The following ASTN2 variants were observed in gnomAD, a reference collection of about 807,000 sequenced individuals.
ASTN2 encodes the protein astrotactin 2, also known as astrotactin-2.
Under a neutral mutation model 139.8 loss-of-function variants are expected in ASTN2, and 54 were observed. That is an observed-to-expected ratio of 0.39 (90% CI 0.31 to 0.48). ASTN2 has a LOEUF of 0.48. ASTN2 is among the 20% of genes least tolerant of loss of function. The probability of loss-of-function intolerance (pLI) is 0.95; values close to 1 mark genes in which losing one functional copy is unlikely to be tolerated. For missense variants in ASTN2, 1,565 were observed against 1,725.1 expected (o/e 0.91, Z 1.64); for synonymous variants, 756 against 719.5 (o/e 1.05, Z -0.81).
At chr9:116,961,775 C>A (rs1054456834) in intron 10 of ASTN2, among the ~76,000 whole-genome samples, 2 of 152,094 alleles carry the variant, frequency 1.3e-5, no homozygotes, top group Non-Finnish European at 2.9e-5. Flanking sequence ...AAACAAGAGT[C>A]ACAATAATTT....
At chr9:116,839,881 A>ATTATTTTTTT (rs55634992) in intron 11 of ASTN2, among the ~76,000 whole-genome samples, 1 of 127,978 alleles carries the variant, frequency 7.8e-6, no homozygotes, top group Admixed American at 8.4e-5. Flanking sequence ...TATTATTATT[A>ATTATTTTTTT]TTTTTTTTTT....
intron 5 of ASTN2, among the ~76,000 whole-genome samples, chr9:117,043,052 G>A (rs1330033298): frequency 6.6e-6 from 1 of 152,010 alleles, no homozygotes; most frequent in Non-Finnish European, 1.5e-5. Context: ...TGTATTTTTA[G>A]TAGAGACAGT....
chr9:116,526,503 T>C (rs1587938780), intron 19 of ASTN2, among the ~76,000 whole-genome samples: 1 of 151,812 alleles, frequency 6.6e-6, no homozygotes, highest in South Asian at 2.1e-4. Flanking sequence ...ATGCCTGTAA[T>C]CCCAGCCACT....
At chr9:117,226,100 T>C (rs1025030745) in intron 2 of ASTN2, among the ~76,000 whole-genome samples, 2 of 152,124 alleles carry the variant, frequency 1.3e-5, no homozygotes, top group South Asian at 2.1e-4. Context: ...GTAGAGAAAG[T>C]GAGGATAAAA....
intron 19 of ASTN2, among the ~76,000 whole-genome samples, chr9:116,610,363 G>T (rs1234591578): frequency 6.6e-6 from 1 of 152,196 alleles, no homozygotes; most frequent in Non-Finnish European, 1.5e-5. Context: ...CCAGCACTTT[G>T]TGAGGCTGAG....
rs549795037 is a variant in ASTN2, at chr9:116,839,631, A to AT, written c.2041-18849dup. ...AGTTGCTGGAATTACAGTTGCTGGA[A>AT]TTACAGCCCCGTGTGTGCCACACCG... On this transcript the variant is annotated intron_variant, in intron 11 of 22. Coordinates refer to ENST00000313400, the MANE Select transcript of ASTN2 (RefSeq NM_001365068.1). Among the ~76,000 whole-genome samples, 920 of 152,018 alleles carry AT rather than the reference A, an allele frequency of 6.1e-3. 11 individuals carry two copies. In the Middle Eastern group the frequency reaches 0.075, roughly 12 times the overall value.
chr9:117,245,460 C>T (rs188925933), intron 2 of ASTN2, among the ~76,000 whole-genome samples: 3 of 152,274 alleles, frequency 2.0e-5, no homozygotes, highest in African/African-American at 7.2e-5. Context: ...GGAGTCTCAG[C>T]AGACAGAGCC....
intron 20 of ASTN2, among the ~76,000 whole-genome samples, chr9:116,481,091 T>C (rs960623238): frequency 1.3e-5 from 2 of 152,146 alleles, no homozygotes; most frequent in African/African-American, 4.8e-5. Context: ...GTTTTATAGA[T>C]AAAAAACTGA....
intron 13 of ASTN2, among the ~76,000 whole-genome samples, chr9:116,742,220 C>G (rs1296434437): frequency 6.6e-6 from 1 of 152,224 alleles, no homozygotes; most frequent in Non-Finnish European, 1.5e-5. Context: ...TTTCAAAACC[C>G]AGCCTGTGCT....
At chr9:117,023,105 A>G (rs1024578464) in intron 6 of ASTN2, among the ~76,000 whole-genome samples, 1 of 152,182 alleles carries the variant, frequency 6.6e-6, no homozygotes, top group Non-Finnish European at 1.5e-5. Flanking sequence ...TTAACTGGCC[A>G]GGAGTGGAAT....
At chr9:117,033,617 T>G (rs1838307143) in intron 6 of ASTN2, among the ~76,000 whole-genome samples, 1 of 152,094 alleles carries the variant, frequency 6.6e-6, no homozygotes, top group African/African-American at 2.4e-5. Context: ...ATCTGTCTAG[T>G]TTTGCTTCCT....
At chr9:117,088,908 T>C (rs961113066) in intron 5 of ASTN2, among the ~76,000 whole-genome samples, 3 of 152,186 alleles carry the variant, frequency 2.0e-5, no homozygotes, top group Non-Finnish European at 2.9e-5. Flanking sequence ...CCAGCAGCTA[T>C]AACAGCTCCG....
intron 1 of ASTN2, among the ~76,000 whole-genome samples, chr9:117,398,000 CCA>C (rs529133074): frequency 4.8e-4 from 73 of 152,280 alleles, no homozygotes; most frequent in African/African-American, 1.7e-3. Context: ...TCATCATATT[CCA>C]CACTCTCTGT....
chr9:117,254,030 T>C (rs1274210190), intron 2 of ASTN2, among the ~76,000 whole-genome samples: 1 of 152,164 alleles, frequency 6.6e-6, no homozygotes, highest in Non-Finnish European at 1.5e-5. Context: ...CTTGGAACTC[T>C]GGAGTCTGGC....
chr9:116,609,742 GA>G (rs1245602321), intron 19 of ASTN2, among the ~76,000 whole-genome samples: 1 of 151,548 alleles, frequency 6.6e-6, no homozygotes, highest in African/African-American at 2.4e-5. Flanking sequence ...AAATAATTAA[GA>G]AAAAACAATA....
chr9:117,005,475 A>T (rs1837329001), intron 7 of ASTN2, among the ~76,000 whole-genome samples: 1 of 152,112 alleles, frequency 6.6e-6, no homozygotes, highest in Non-Finnish European at 1.5e-5. Flanking sequence ...ATAGTTGTAC[A>T]CTTCCTTCCA....
chr9:117,156,025 C>A (rs1274455884), intron 3 of ASTN2, among the ~76,000 whole-genome samples: 1 of 151,930 alleles, frequency 6.6e-6, no homozygotes, highest in Non-Finnish European at 1.5e-5. Flanking sequence ...AGAAGCTAGT[C>A]TGACATGGAA....
chr9:116,903,356 A>T (rs1250118525), intron 10 of ASTN2, among the ~76,000 whole-genome samples: 2 of 152,114 alleles, frequency 1.3e-5, no homozygotes, highest in African/African-American at 4.8e-5. Context: ...TTATATACTG[A>T]TGTTTACTTA....
chr9:117,041,367 C>G (rs984981166), intron 5 of ASTN2, among the ~76,000 whole-genome samples: 1 of 152,046 alleles, frequency 6.6e-6, no homozygotes, highest in Non-Finnish European at 1.5e-5. Flanking sequence ...ACGTTCAAAA[C>G]AGGGTACATT....
Sources: gnomAD v4.1 joint callset for allele counts (sites outside exome capture counted in the v4.1 genomes callset) on GRCh38, gnomAD v4.1.1 for gene constraint, MANE v1.5 for transcripts, NCBI Gene and HGNC (gene_info 2026-07-23, HGNC 2026-07-21) for gene names.